Variants in PTPRG observed in about 807,000 individuals in gnomAD.
The protein encoded by PTPRG is protein tyrosine phosphatase receptor type G.
A neutral mutation model predicts 165.3 loss-of-function variants in PTPRG; 102 were observed. The observed-to-expected ratio is 0.62, with a 90% CI of 0.53 to 0.73. The LOEUF is 0.73. PTPRG is among the 30% of genes least tolerant of loss of function. The pLI is 0.00. For missense variants in PTPRG, 1,866 were observed against 1,861.4 expected, an observed-to-expected ratio of 1.00 and a Z score of -0.05; for synonymous variants, 675 against 669.5, an observed-to-expected ratio of 1.01 and a Z score of -0.13.
chr3:62,182,859 G>A (rs1474354327), intron 8 of PTPRG, among the ~76,000 whole-genome samples: 4 of 152,096 alleles, frequency 2.6e-5, no homozygotes, highest in African/African-American at 7.2e-5. Flanking sequence ...GTTTCACCAT[G>A]TTGGCCAGGA....
At chr3:61,836,837 C>T (rs377516282) in intron 2 of PTPRG, among the ~76,000 whole-genome samples, 7 of 149,880 alleles carry the variant, frequency 4.7e-5, no homozygotes, top group East Asian at 2.0e-4. Flanking sequence ...CTCTGCCTCC[C>T]GGGTTCAAGC....
intron 1 of PTPRG, among the ~76,000 whole-genome samples, chr3:61,626,621 G>A (rs1032204216): frequency 6.6e-6 from 1 of 152,206 alleles, no homozygotes; most frequent in African/African-American, 2.4e-5. Context: ...CAGAGTCATA[G>A]TCCCAGCCAG....
At chr3:62,152,124 G>A (rs1183209337) in intron 6 of PTPRG, among the ~76,000 whole-genome samples, 3 of 152,052 alleles carry the variant, frequency 2.0e-5, no homozygotes, top group African/African-American at 7.2e-5. Context: ...GCAGCACTTT[G>A]GGAGGCTGGG....
In PTPRG at chr3:62,243,565, C is replaced by G. The variant is rs369041467; in HGVS notation, c.2376-242C>G. 195 of 355,152 alleles carry G rather than the reference C, an allele frequency of 5.5e-4. 2 individuals carry two copies. Among genetic ancestry groups the G allele is most frequent in the African/African-American group, 3.8e-3 (182 of 47,390 alleles). The allele number at this position is 355,152 out of a possible 1,614,324, so 22.0% of individuals were successfully genotyped here. Reference sequence around the variant, plus strand: ...CGTATTTGAGTAGTTAAATACTAAGCCTTTCCCTTTGAACTATCAGTTTGG... The same window carrying G: ...CGTATTTGAGTAGTTAAATACTAAGGCTTTCCCTTTGAACTATCAGTTTGG... On this transcript the variant is annotated intron_variant, in intron 14 of 29. Coordinates refer to ENST00000474889, the MANE Select transcript of PTPRG (RefSeq NM_002841.4).
intron 4 of PTPRG, among the ~76,000 whole-genome samples, chr3:62,066,885 A>G (rs1005181658): frequency 6.6e-6 from 1 of 152,040 alleles, no homozygotes; most frequent in Non-Finnish European, 1.5e-5. Flanking sequence ...TAAAATTACA[A>G]TAATTAGCTG....
At chr3:61,931,496 C>T (rs571785756) in intron 2 of PTPRG, among the ~76,000 whole-genome samples, 80 of 152,270 alleles carry the variant, frequency 5.3e-4, no homozygotes, top group Non-Finnish European at 9.8e-4. Context: ...GTGCTGCCTC[C>T]GGAGCTAAGC....
chr3:62,114,070 G>A (rs1702769057), intron 5 of PTPRG, among the ~76,000 whole-genome samples: 1 of 152,200 alleles, frequency 6.6e-6, no homozygotes, highest in Non-Finnish European at 1.5e-5. Context: ...AGGCCAAGGT[G>A]GGCAGATCAC....
chr3:62,253,208 T>G (rs1464178333), intron 15 of PTPRG, among the ~76,000 whole-genome samples: 1 of 152,220 alleles, frequency 6.6e-6, no homozygotes, highest in Non-Finnish European at 1.5e-5. Flanking sequence ...GTTCTAAAGC[T>G]GACATGTTTT....
intron 1 of PTPRG, among the ~76,000 whole-genome samples, chr3:61,564,148 A>C (rs1002304444): frequency 2.0e-5 from 3 of 152,162 alleles, no homozygotes; most frequent in Admixed American, 6.5e-5. Context: ...GCCTTCATTC[A>C]CTAAAAGATC....
rs1254016406 is a variant in PTPRG, at chr3:62,157,084, G to C, written c.700G>C (p.Asp234His). 5 of 1,607,248 alleles carry C rather than the reference G, an allele frequency of 3.1e-6. No homozygotes were observed. The highest frequency in any genetic ancestry group is 4.3e-6 in the Non-Finnish European group (5 of 1,173,972). The change falls in exon 7 of 30, where the codon GAT (aspartate) becomes CAT (histidine). Residue 234 changes from aspartate to histidine, a missense_variant. Coordinates refer to ENST00000474889, the MANE Select transcript of PTPRG (RefSeq NM_002841.4). ...CCAAACAGAGAAGGAGACCTTTCTGGATCCTTTCGTCCTCCGGGACCTCCT... is the reference window on the plus strand; with the variant it reads ...CCAAACAGAGAAGGAGACCTTTCTGCATCCTTTCGTCCTCCGGGACCTCCT... Reference protein sequence around the residue: ...VVHHEKETFLDPFVLRDLLPA... With the variant: ...VVHHEKETFLHPFVLRDLLPA...
intron 4 of PTPRG, among the ~76,000 whole-genome samples, chr3:62,076,809 G>A (rs1402679229): frequency 6.6e-6 from 1 of 152,086 alleles, no homozygotes; most frequent in Non-Finnish European, 1.5e-5. Context: ...TCGAACTCCC[G>A]ACCTCAGGTG....
chr3:61,708,896 T>TGCCCTAAAC (rs1315864588), intron 1 of PTPRG, among the ~76,000 whole-genome samples: 2 of 152,260 alleles, frequency 1.3e-5, no homozygotes. Flanking sequence ...GGGGCGCACT[T>TGCCCTAAAC]GCCCTAAACC....
chr3:62,267,912 A>G (rs1701935740), intron 19 of PTPRG, 93 bp downstream of exon 19: 3 of 1,405,724 alleles, frequency 2.1e-6, no homozygotes, highest in East Asian at 4.6e-5. Flanking sequence ...TTGACAAGGT[A>G]TAAAGAGTTA....
At chr3:61,937,306 T>C (rs1328028430) in intron 2 of PTPRG, among the ~76,000 whole-genome samples, 1 of 152,206 alleles carries the variant, frequency 6.6e-6, no homozygotes, top group East Asian at 1.9e-4. Flanking sequence ...GCTGGCCATT[T>C]CATTTTGACC....
At chr3:62,034,272 A>C (rs1034931267) in intron 4 of PTPRG, among the ~76,000 whole-genome samples, 4 of 152,242 alleles carry the variant, frequency 2.6e-5, no homozygotes, top group African/African-American at 9.6e-5. Flanking sequence ...TGGAAAAAGC[A>C]AACCCTAGCA....
At chr3:62,278,097 T>C (rs1702295656) in intron 26 of PTPRG, among the ~76,000 whole-genome samples, 1 of 152,082 alleles carries the variant, frequency 6.6e-6, no homozygotes, top group African/African-American at 2.4e-5. Context: ...TTTTAAGACA[T>C]ACATACTATT....
At chr3:61,953,994 A>G (rs2039964720) in intron 2 of PTPRG, among the ~76,000 whole-genome samples, 1 of 152,216 alleles carries the variant, frequency 6.6e-6, no homozygotes, top group Non-Finnish European at 1.5e-5. Context: ...AGCTGCAAAT[A>G]TGTAGTACTC....
chr3:62,003,918 G>GT (rs1193912213), intron 4 of PTPRG, among the ~76,000 whole-genome samples: 4 of 152,006 alleles, frequency 2.6e-5, no homozygotes, highest in African/African-American at 7.2e-5. Flanking sequence ...AAAGTTTTAA[G>GT]TTTTTTTTGC....
intron 2 of PTPRG, among the ~76,000 whole-genome samples, chr3:61,761,782 A>C (rs1034496362): frequency 2.4e-4 from 36 of 151,988 alleles, no homozygotes; most frequent in Non-Finnish European, 5.3e-4. Flanking sequence ...TTTCTGGGGG[A>C]GGAAAACAAC....
Sources: gnomAD v4.1 joint callset for allele counts (sites outside exome capture counted in the v4.1 genomes callset) on GRCh38, gnomAD v4.1.1 for gene constraint, MANE v1.5 for transcripts, NCBI Gene and HGNC (gene_info 2026-07-23, HGNC 2026-07-21) for gene names.